The following ANKRD11 variants were observed in gnomAD, a reference collection of about 807,000 sequenced individuals.
ANKRD11 encodes ankyrin repeat domain-containing protein 11.
In ANKRD11, 17 loss-of-function variants were observed where a neutral mutation model predicts 195.7. That is an observed-to-expected ratio of 0.09 (90% CI 0.06 to 0.13). The LOEUF (loss-of-function observed/expected upper bound fraction) is 0.13, where lower values mean the gene tolerates loss of function less well. ANKRD11 is among the 10% of genes least tolerant of loss of function. ANKRD11 has a pLI of 1.00. For synonymous variants in ANKRD11, 1,953 were observed against 1,528.1 expected (o/e 1.28, Z -6.49); for missense variants, 3,735 against 3,566.1 (o/e 1.05, Z -1.21).
intron 4 of ANKRD11, among the ~76,000 whole-genome samples, chr16:89,304,618 A>C (rs1348550196): frequency 1.3e-5 from 2 of 151,362 alleles, no homozygotes; most frequent in African/African-American, 2.4e-5. Flanking sequence ...ACGGGCATAC[A>C]TACAGGCACA....
At chr16:89,316,117 G>A (rs1480606543) in intron 3 of ANKRD11, among the ~76,000 whole-genome samples, 2 of 152,170 alleles carry the variant, frequency 1.3e-5, no homozygotes, top group African/African-American at 4.8e-5. Context: ...GACAGCGACA[G>A]GATGGCAGGA....
At chr16:89,442,461 A>G (rs2152296727) in intron 1 of ANKRD11, among the ~76,000 whole-genome samples, 1 of 152,264 alleles carries the variant, frequency 6.6e-6, no homozygotes, top group South Asian at 2.1e-4. Context: ...AGTAAAAGAC[A>G]ATCCCACAAA....
intron 2 of ANKRD11, chr16:89,396,040 C>T (rs1432530165): frequency 6.6e-6 from 1 of 152,186 alleles, no homozygotes; most frequent in Admixed American, 6.5e-5. Context: ...GTTGTTCGGA[C>T]ATGAGTACTG....
chr16:89,427,815 C>T (rs1449755602), intron 1 of ANKRD11, among the ~76,000 whole-genome samples: 1 of 151,410 alleles, frequency 6.6e-6, no homozygotes, highest in Admixed American at 6.6e-5. Context: ...GTCTAGTAAT[C>T]GTATGATGCC....
chr16:89,394,133 C>A (rs1326282204), intron 2 of ANKRD11, among the ~76,000 whole-genome samples: 1 of 152,182 alleles, frequency 6.6e-6, no homozygotes, highest in Admixed American at 6.5e-5. Context: ...GCTTCCCAGG[C>A]CACTCAGCTG....
At chr16:89,374,423 G>A (rs1342449268) in intron 2 of ANKRD11, among the ~76,000 whole-genome samples, 5 of 151,950 alleles carry the variant, frequency 3.3e-5, no homozygotes, top group African/African-American at 9.7e-5. Context: ...AGAGCTGAAC[G>A]ATACAACAGG....
chr16:89,387,803 G>C (rs1483573676), intron 2 of ANKRD11, among the ~76,000 whole-genome samples: 1 of 150,750 alleles, frequency 6.6e-6, no homozygotes, highest in Non-Finnish European at 1.5e-5. Flanking sequence ...AGGGGTTCAA[G>C]ACCAGCCTGG....
intron 1 of ANKRD11, among the ~76,000 whole-genome samples, chr16:89,466,294 T>C (rs747629216): frequency 6.6e-6 from 1 of 151,734 alleles, no homozygotes; most frequent in Non-Finnish European, 1.5e-5. Flanking sequence ...ACATTCACAA[T>C]AGGCAAATCC....
chr16:89,457,587 A>G (rs1308498247), intron 1 of ANKRD11, among the ~76,000 whole-genome samples: 1 of 34,032 alleles, frequency 2.9e-5, no homozygotes, highest in African/African-American at 7.8e-5. Flanking sequence ...CCGTCTCAAG[A>G]AAAAAAAAAA....
At chr16:89,369,095 A>G (rs1272138078) in intron 2 of ANKRD11, among the ~76,000 whole-genome samples, 1 of 152,172 alleles carries the variant, frequency 6.6e-6, no homozygotes, top group Non-Finnish European at 1.5e-5. Context: ...TGATCACATC[A>G]CTACCAAGCT....
At chr16:89,354,905 T>C (rs1284869086) in intron 2 of ANKRD11, among the ~76,000 whole-genome samples, 1 of 152,000 alleles carries the variant, frequency 6.6e-6, no homozygotes, top group Non-Finnish European at 1.5e-5. Context: ...AGGCTGTGAG[T>C]GGCCTGGAAG....
intron 2 of ANKRD11, among the ~76,000 whole-genome samples, chr16:89,350,859 G>A (rs2039180506): frequency 1.3e-5 from 2 of 152,254 alleles, no homozygotes; most frequent in Non-Finnish European, 2.9e-5. Context: ...CTAATGGAGT[G>A]GAACGGGTCC....
chr16:89,305,691 ACCTCCCACTCCGCAGACACGCG>A (rs2036161402), intron 3 of ANKRD11, among the ~76,000 whole-genome samples: 1 of 120,144 alleles, frequency 8.3e-6, no homozygotes, highest in African/African-American at 3.4e-5. Context: ...GACACGCGCC[ACCTCCCACTCCGCAGACACGCG>A]CCACCTCCCA....
chr16:89,336,721 A>T (rs1182198531), intron 2 of ANKRD11, among the ~76,000 whole-genome samples: 1 of 152,234 alleles, frequency 6.6e-6, no homozygotes, highest in African/African-American at 2.4e-5. Flanking sequence ...CCCTACAAGG[A>T]GTCCCCACTC....
At chr16:89,438,134 G>A (rs1054654671) in intron 1 of ANKRD11, among the ~76,000 whole-genome samples, 1 of 152,188 alleles carries the variant, frequency 6.6e-6, no homozygotes, top group African/African-American at 2.4e-5. Flanking sequence ...ATGGGTCCAC[G>A]AACCGCGTGC....
At position 89,480,501 on chromosome 16, in the gene ANKRD11, A is replaced by G. The variant is rs572906438; in HGVS notation, c.-145+9744T>C. ...CAAAAAAAAAGAAAAAAAAAATCCT[A>G]ACTTTTAAGATTTCCAACCAAATAT... On this transcript the variant is annotated intron_variant, in intron 1 of 12. Coordinates refer to ENST00000301030, the MANE Select transcript of ANKRD11 (RefSeq NM_013275.6). Among the ~76,000 whole-genome samples the G allele has an allele frequency of 6.6e-5, 10 of 152,254 alleles. No individual in the cohort carries two copies. The South Asian group carries it at 2.1e-3, about 32-fold the overall frequency.
chr16:89,272,665 G>A (rs1300489778), intron 11 of ANKRD11: 1 of 152,130 alleles, frequency 6.6e-6, no homozygotes, highest in Admixed American at 6.6e-5. Flanking sequence ...GGAAGACTCA[G>A]AATCACAAAA....
intron 1 of ANKRD11, among the ~76,000 whole-genome samples, chr16:89,425,888 C>T (rs747690781): frequency 2.0e-4 from 30 of 152,038 alleles, no homozygotes; most frequent in Non-Finnish European, 4.0e-4. Context: ...CAGGAAAAAA[C>T]GAAACAGGAA....
chr16:89,270,899 T>C lies in ANKRD11; in HGVS notation c.7724A>G (p.Asn2575Ser). 6.2e-7 allele frequency: 1 copy of C among 1,613,924 alleles called. No individual in the cohort carries two copies. Among genetic ancestry groups the C allele is most frequent in the South Asian group, 1.1e-5 (1 of 91,078 alleles). The change falls in exon 12 of 13, where the codon AAC becomes AGC. Residue 2575 changes from asparagine to serine, a missense_variant. Transcript: ENST00000301030. Reference sequence around the variant, plus strand: ...GTTGAAACGGTCGCGCACTGACTTGTTCTCGTCACCCTGTGGAAACCAAAC... The same window carrying C: ...GTTGAAACGGTCGCGCACTGACTTGCTCTCGTCACCCTGTGGAAACCAAAC... ...NMPLESQGDE[N>S]KSVRDRFNAR...
Sources: allele counts gnomAD v4.1 joint callset (sites outside exome capture counted in the v4.1 genomes callset), GRCh38; gene constraint gnomAD v4.1.1; transcripts MANE v1.5; gene names NCBI Gene and HGNC (gene_info 2026-07-23, HGNC 2026-07-21).